GPC6: variants seen among roughly 807,000 people sequenced by gnomAD.
GPC6 encodes the protein glypican 6.
GPC6 carries 14 observed loss-of-function variants against 55.2 expected under a neutral mutation model. The ratio of observed to expected loss-of-function variants is 0.25; its 90% CI spans 0.17 to 0.40. The LOEUF (loss-of-function observed/expected upper bound fraction) is 0.40, where lower values mean the gene tolerates loss of function less well. Among genes scored for constraint, GPC6 ranks in the 10% least tolerant of loss-of-function variants. The pLI, the probability that GPC6 is intolerant of heterozygous loss-of-function variation, is 1.00. For missense variants in GPC6, 641 were observed against 708.5 expected (o/e 0.90, Z 1.08); for synonymous variants, 278 against 259.6 (o/e 1.07, Z -0.68).
chr13:94,021,414 G>A (rs1257195878), intron 3 of GPC6, among the ~76,000 whole-genome samples: 1 of 151,980 alleles, frequency 6.6e-6, no homozygotes. Flanking sequence ...AATCTTAAGT[G>A]TATTAGAGAC....
intron 4 of GPC6, among the ~76,000 whole-genome samples, chr13:94,034,168 C>T (rs994685160): frequency 1.5e-5 from 2 of 136,348 alleles, no homozygotes; most frequent in African/African-American, 5.1e-5. Flanking sequence ...ATGCATAAGC[C>T]GTACTAACTA....
intron 4 of GPC6, among the ~76,000 whole-genome samples, chr13:94,152,907 C>T (rs1041761167): frequency 1.3e-5 from 2 of 152,070 alleles, no homozygotes; most frequent in African/African-American, 4.8e-5. Context: ...GATGTAATCC[C>T]CACCTTCATG....
intron 1 of GPC6, among the ~76,000 whole-genome samples, chr13:93,365,199 C>T (rs1259994111): frequency 1.3e-5 from 2 of 151,946 alleles, no homozygotes; most frequent in East Asian, 1.9e-4. Flanking sequence ...AGAGGGAACC[C>T]GTGACTTGTC....
intron 2 of GPC6, among the ~76,000 whole-genome samples, chr13:93,755,601 A>G (rs1434778781): frequency 1.3e-5 from 2 of 152,114 alleles, no homozygotes; most frequent in African/African-American, 2.4e-5. Context: ...CTTTGTGTCA[A>G]TAGTTGGTTT....
chr13:93,217,283 T>C, the GPC6 span, among the ~76,000 whole-genome samples: 2 of 152,238 alleles, frequency 1.3e-5, no homozygotes, highest in African/African-American at 4.8e-5. Flanking sequence ...AAAAGCCAAA[T>C]AGTTTTAAAC....
chr13:93,564,212 C>T (rs1402699425), intron 2 of GPC6, among the ~76,000 whole-genome samples: 1 of 151,928 alleles, frequency 6.6e-6, no homozygotes, highest in Non-Finnish European at 1.5e-5. Flanking sequence ...AAAAGAGTAA[C>T]CTTTATTTCA....
At chr13:93,835,283 T>C (rs1280989793) in intron 3 of GPC6, among the ~76,000 whole-genome samples, 1 of 151,980 alleles carries the variant, frequency 6.6e-6, no homozygotes, top group Non-Finnish European at 1.5e-5. Flanking sequence ...GGTAAAATCC[T>C]ATCTCTACAA....
At chr13:94,266,826 A>G (rs931863822) in intron 4 of GPC6, among the ~76,000 whole-genome samples, 5 of 152,218 alleles carry the variant, frequency 3.3e-5, no homozygotes, top group African/African-American at 1.2e-4. Context: ...ATGAATGAGT[A>G]CAGAAAATGA....
intron 2 of GPC6, among the ~76,000 whole-genome samples, chr13:93,681,734 A>G (rs1399354328): frequency 1.3e-5 from 2 of 152,226 alleles, no homozygotes; most frequent in Non-Finnish European, 2.9e-5. Flanking sequence ...AATGTTCAGA[A>G]TATGAGCTGA....
At chr13:93,599,489 G>C (rs1383325898) in intron 2 of GPC6, among the ~76,000 whole-genome samples, 2 of 152,050 alleles carry the variant, frequency 1.3e-5, no homozygotes, top group Non-Finnish European at 2.9e-5. Flanking sequence ...TACTCTTTAT[G>C]ATCTGGCTTC....
intron 2 of GPC6, among the ~76,000 whole-genome samples, chr13:93,789,482 A>ACTCTCTCTCTCT (rs766627327): frequency 1.2e-4 from 7 of 59,606 alleles, no homozygotes; most frequent in African/African-American, 4.5e-4. Flanking sequence ...ATGTGAGTGA[A>ACTCTCTCTCTCT]CTCTCTCTCT....
intron 1 of GPC6, among the ~76,000 whole-genome samples, chr13:93,315,070 T>C (rs1199346749): frequency 2.6e-5 from 4 of 152,124 alleles, no homozygotes; most frequent in Admixed American, 6.6e-5. Flanking sequence ...ATTTCCTAAT[T>C]ATTTTGATGG....
At chr13:94,088,514 C>A (rs1050751230) in intron 4 of GPC6, among the ~76,000 whole-genome samples, 1 of 139,026 alleles carries the variant, frequency 7.2e-6, no homozygotes, top group Admixed American at 7.8e-5. Flanking sequence ...CTTAGCAAGA[C>A]CCTGTCTCTA....
At chr13:93,244,678 C>A (rs1477607826) in intron 1 of GPC6, among the ~76,000 whole-genome samples, 1 of 152,160 alleles carries the variant, frequency 6.6e-6, no homozygotes, top group African/African-American at 2.4e-5. Context: ...TAAGCGGCTC[C>A]CCAGTGGGAA....
intron 4 of GPC6, among the ~76,000 whole-genome samples, chr13:94,227,263 G>A (rs1213191254): frequency 3.3e-5 from 5 of 152,176 alleles, no homozygotes; most frequent in African/African-American, 1.2e-4. Flanking sequence ...ACTATAAAAG[G>A]AAATCAGTGA....
chr13:93,263,456 G>T (rs541981487), intron 1 of GPC6, among the ~76,000 whole-genome samples: 4 of 151,956 alleles, frequency 2.6e-5, no homozygotes, highest in Non-Finnish European at 5.9e-5. Context: ...CCTCTGCCTC[G>T]TGGGTTCAAG....
chr13:93,404,281 A>G (rs1386214980), intron 1 of GPC6, among the ~76,000 whole-genome samples: 2 of 152,148 alleles, frequency 1.3e-5, no homozygotes, highest in Non-Finnish European at 2.9e-5. Flanking sequence ...GAGAGGAAAA[A>G]GCAAACAAAC....
In GPC6 at chr13:93,252,318, A is replaced by G. The variant is rs552686796; in HGVS notation, c.160+24702A>G. Among the ~76,000 whole-genome samples the G allele has an allele frequency of 5.9e-5, 9 of 152,332 alleles. No individual in the cohort carries two copies. In the East Asian group the frequency reaches 1.2e-3, roughly 20 times the overall value. On this transcript the variant is annotated intron_variant, in intron 1 of 8. Coordinates refer to ENST00000377047, the MANE Select transcript of GPC6 (RefSeq NM_005708.5). The stretch of plus-strand genomic sequence containing the variant: ...CATTTCAAACATGGTTTGACATTCA[A>G]TAACTCAAACTATTTTTCTAACTTA...
chr13:93,812,813 G>A (rs9524236), intron 2 of GPC6, among the ~76,000 whole-genome samples: 45,409 of 152,026 alleles, frequency 0.3, 6,907 homozygotes, highest in African/African-American at 0.33. Flanking sequence ...TGTATATCAT[G>A]TCATTCTCAT....
Sources: gnomAD v4.1 joint callset for allele counts (sites outside exome capture counted in the v4.1 genomes callset) on GRCh38, gnomAD v4.1.1 for gene constraint, MANE v1.5 for transcripts, NCBI Gene and HGNC (gene_info 2026-07-23, HGNC 2026-07-21) for gene names.